Variants in GPC3 observed in about 807,000 individuals in gnomAD.
The protein encoded by GPC3 is glypican-3.
A neutral mutation model predicts 34.4 loss-of-function variants in GPC3; 3 were observed. The ratio of observed to expected loss-of-function variants is 0.09; its 90% CI spans 0.04 to 0.23. The LOEUF (loss-of-function observed/expected upper bound fraction) is 0.23, where lower values mean the gene tolerates loss of function less well. Among genes scored for constraint, GPC3 ranks in the 10% least tolerant of loss-of-function variants. The pLI, the probability that GPC3 is intolerant of heterozygous loss-of-function variation, is 1.00. For missense variants in GPC3, 351 were observed against 445.6 expected, an observed-to-expected ratio of 0.79 and a Z score of 1.91; for synonymous variants, 177 against 174.0, an observed-to-expected ratio of 1.02 and a Z score of -0.13.
chrX:133,905,940 C>A (rs1266782654), intron 2 of GPC3, among the ~76,000 whole-genome samples: 1 of 111,801 alleles, frequency 8.9e-6, no homozygotes, highest in African/African-American at 3.3e-5. Context: ...AACATGAAAA[C>A]AGAGGAGAAA....
intron 2 of GPC3, among the ~76,000 whole-genome samples, chrX:133,811,476 G>A (rs991111734): frequency 3.6e-5 from 4 of 111,418 alleles, no homozygotes; most frequent in Non-Finnish European, 7.5e-5. Flanking sequence ...TGGTTTTTGG[G>A]TTTTTTGCTT....
At chrX:133,735,297 A>G (rs1487318276) in intron 3 of GPC3, among the ~76,000 whole-genome samples, 1 of 111,665 alleles carries the variant, frequency 9.0e-6, no homozygotes, top group African/African-American at 3.3e-5. Context: ...GTCAAAAAAA[A>G]CCCTACATAC....
chrX:133,831,063 T>C (rs1328198157), intron 2 of GPC3, among the ~76,000 whole-genome samples: 1 of 111,677 alleles, frequency 9.0e-6, no homozygotes, highest in East Asian at 2.8e-4. Flanking sequence ...AAAAAGATTA[T>C]AGTGATACAG....
chrX:133,550,180 T>G (rs757099013), intron 7 of GPC3, among the ~76,000 whole-genome samples: 14 of 109,927 alleles, frequency 1.3e-4, no homozygotes, highest in African/African-American at 4.6e-4. Context: ...CATGCCAGGC[T>G]AATTTTGTAT....
chrX:133,793,500 C>G (rs1177791627), intron 2 of GPC3, among the ~76,000 whole-genome samples: 2 of 111,512 alleles, frequency 1.8e-5, no homozygotes, highest in African/African-American at 6.5e-5. Context: ...GTACTCCAAC[C>G]CTTAAAGCGA....
chrX:133,549,054 C>A (rs2069410043), intron 7 of GPC3, among the ~76,000 whole-genome samples: 2 of 111,736 alleles, frequency 1.8e-5, no homozygotes, highest in African/African-American at 6.5e-5. Context: ...AATTGAGACT[C>A]ATTTTCCCTC....
In GPC3 at chrX:133,634,694, C is replaced by T. The variant is rs138060603; in HGVS notation, c.1413+27036G>A. On this transcript the variant is annotated intron_variant, in intron 6 of 7. Coordinates refer to ENST00000370818, the MANE Select transcript of GPC3 (RefSeq NM_004484.4). ...GGGCTGGGGTGGGAATGAGAAGTGA[C>T]GGAAAACAGGCCTATGGGGCAACTT... Among the ~76,000 whole-genome samples, 761 of 111,612 alleles carry T rather than the reference C, an allele frequency of 6.8e-3. 7 individuals carry two copies. Among genetic ancestry groups the T allele is most frequent in the Middle Eastern group, 0.028 (6 of 217 alleles).
chrX:133,692,429 C>T lies in GPC3; in HGVS notation c.1232G>A (p.Ser411Asn). The change falls in exon 5 of 8, where the codon AGC (serine) becomes AAC (asparagine). Residue 411 changes from serine to asparagine, a missense_variant. Ser to Asn is a conservative substitution (Grantham distance 46, BLOSUM62 1). Transcript: ENST00000370818. ...FYSALPGYIC[S>N]HSPVAENDTL... ...GTCGTTTTCCGCCACAGGGCTATGG[C>T]TGCAGATGTAGCCAGGCAAAGCACT... is the stretch of plus-strand genomic sequence containing the variant. 1 of 1,206,739 alleles carries T rather than the reference C, an allele frequency of 8.3e-7. No homozygotes were observed. The highest frequency in any genetic ancestry group is 1.7e-5 in the African/African-American group (1 of 57,892).
intron 6 of GPC3, among the ~76,000 whole-genome samples, chrX:133,603,909 G>A (rs985470847): frequency 8.1e-5 from 9 of 111,586 alleles, no homozygotes; most frequent in African/African-American, 2.9e-4. Context: ...TTTATTGTTC[G>A]GAGAGGGATC....
chrX:133,917,896 G>A (rs2076231924), intron 2 of GPC3, among the ~76,000 whole-genome samples: 1 of 111,364 alleles, frequency 9.0e-6, no homozygotes, highest in African/African-American at 3.3e-5. Context: ...GAGAGCTGGA[G>A]CTCAAAACCT....
intron 5 of GPC3, among the ~76,000 whole-genome samples, chrX:133,675,701 A>G (rs1048896477): frequency 8.9e-5 from 10 of 112,100 alleles, no homozygotes; most frequent in Non-Finnish European, 1.9e-4. Context: ...CTGAGGACCT[A>G]TGTTACACTG....
At chrX:133,945,776 A>G (rs1344159335) in intron 2 of GPC3, among the ~76,000 whole-genome samples, 1 of 111,132 alleles carries the variant, frequency 9.0e-6, no homozygotes, top group Admixed American at 9.5e-5. Context: ...AGAAAAGAAA[A>G]GAAAAGAAAA....
intron 3 of GPC3, among the ~76,000 whole-genome samples, chrX:133,727,258 T>C (rs892418889): frequency 1.8e-5 from 2 of 111,581 alleles, no homozygotes; most frequent in Non-Finnish European, 3.8e-5. Flanking sequence ...TAAAAAGTGA[T>C]ATGTGGGCTG....
intron 6 of GPC3, among the ~76,000 whole-genome samples, chrX:133,622,159 A>G (rs1331096612): frequency 8.9e-6 from 1 of 112,038 alleles, no homozygotes; most frequent in Non-Finnish European, 1.9e-5. Flanking sequence ...GTATGTCACC[A>G]TCATCAAACA....
intron 2 of GPC3, among the ~76,000 whole-genome samples, chrX:133,755,804 A>C: frequency 8.9e-6 from 1 of 112,479 alleles, no homozygotes; most frequent in Non-Finnish European, 1.9e-5. Flanking sequence ...TCCAAACTCC[A>C]CATGCTACTT....
At chrX:133,548,009 T>C (rs1431958308) in intron 7 of GPC3, among the ~76,000 whole-genome samples, 1 of 111,423 alleles carries the variant, frequency 9.0e-6, no homozygotes, top group Non-Finnish European at 1.9e-5. Context: ...CTCAGGAAAC[T>C]TACATTTGCT....
Position 133,875,475 on chromosome X carries a change from A to G in GPC3, c.337+77575T>C, listed in dbSNP as rs1465081258. On this transcript the variant is annotated intron_variant, in intron 2 of 7. Coordinates refer to ENST00000370818, the MANE Select transcript of GPC3 (RefSeq NM_004484.4). ...TGCCTTTTCAACTTTCTCTTCCACT[A>G]TACTATTTCCTTTAAGGAATCTTTT... 2.7e-5 allele frequency among the ~76,000 whole-genome samples: 3 copies of G among 111,690 alleles called. No individual in the cohort carries two copies. In the East Asian group the frequency reaches 8.4e-4, roughly 31 times the overall value.
At chrX:133,839,379 T>C (rs936489166) in intron 2 of GPC3, among the ~76,000 whole-genome samples, 2 of 111,977 alleles carry the variant, frequency 1.8e-5, no homozygotes, top group African/African-American at 6.5e-5. Flanking sequence ...ACAAGTTGGA[T>C]GTGTTCATTA....
At chrX:133,814,062 A>G (rs1311097619) in intron 2 of GPC3, among the ~76,000 whole-genome samples, 1 of 111,884 alleles carries the variant, frequency 8.9e-6, no homozygotes, top group Non-Finnish European at 1.9e-5. Context: ...CTTGCAGGCT[A>G]TTAGGGAAAA....
Sources: allele counts gnomAD v4.1 joint callset (sites outside exome capture counted in the v4.1 genomes callset), GRCh38; gene constraint gnomAD v4.1.1; transcripts MANE v1.5; gene names NCBI Gene and HGNC (gene_info 2026-07-23, HGNC 2026-07-21).